The following SLC22A23 variants were observed in gnomAD, a reference collection of about 807,000 sequenced individuals.
SLC22A23 encodes the protein solute carrier family 22 member 23.
SLC22A23 carries 26 observed loss-of-function variants against 61.0 expected under a neutral mutation model. That is an observed-to-expected ratio of 0.43 (90% CI 0.31 to 0.59). The LOEUF (loss-of-function observed/expected upper bound fraction) is 0.59, where lower values mean the gene tolerates loss of function less well. Among genes scored for constraint, SLC22A23 ranks in the 20% least tolerant of loss-of-function variants. The pLI is 0.11. For synonymous variants in SLC22A23, 430 were observed against 413.9 expected (o/e 1.04, Z -0.47); for missense variants, 796 against 934.7 (o/e 0.85, Z 1.94).
intron 3 of SLC22A23, among the ~76,000 whole-genome samples, chr6:3,396,695 C>T (rs1768029349): frequency 6.6e-6 from 1 of 152,226 alleles, no homozygotes; most frequent in South Asian, 2.1e-4. Context: ...CGGCATGCAC[C>T]AGCAGGCTGG....
At chr6:3,429,159 A>G (rs953974119) in intron 1 of SLC22A23, among the ~76,000 whole-genome samples, 2 of 152,168 alleles carry the variant, frequency 1.3e-5, no homozygotes, top group South Asian at 4.1e-4. Context: ...GGGGTACAAC[A>G]GTCCTGTCAC....
rs1334898234 is a variant in SLC22A23 at position 3,387,570 on chromosome 6, AC to A, written c.913+22617del. On this transcript the variant is annotated intron_variant, in intron 3 of 9. Coordinates refer to ENST00000406686, the MANE Select transcript of SLC22A23 (RefSeq NM_015482.2). The surrounding 1 kb of genome is among the most constrained non-coding windows in gnomAD (Gnocchi z 5.0). ...GAAAGTCCGTCGTTTAGTTAGTCCC[AC>A]GACAACGTCCGTTTCTCAGCTCTGG... is the stretch of plus-strand genomic sequence containing the variant. Among the ~76,000 whole-genome samples, 1 of 152,240 alleles carries A rather than the reference AC, an allele frequency of 6.6e-6. No homozygotes were observed. The highest frequency in any genetic ancestry group is 2.4e-5 in the African/African-American group (1 of 41,466).
At chr6:3,311,632 G>A (rs917389484) in intron 4 of SLC22A23, 2 of 152,166 alleles carry the variant, frequency 1.3e-5, no homozygotes, top group African/African-American at 4.8e-5. Flanking sequence ...ATAAAGATTG[G>A]CTCTGAGGAT....
intron 1 of SLC22A23, among the ~76,000 whole-genome samples, chr6:3,434,052 C>A (rs953347667): frequency 6.6e-6 from 1 of 152,218 alleles, no homozygotes; most frequent in Admixed American, 6.5e-5. Flanking sequence ...CAGTGGCTCA[C>A]CCCTGTAATC....
intron 3 of SLC22A23, among the ~76,000 whole-genome samples, chr6:3,337,429 T>C (rs1462310378): frequency 6.6e-6 from 1 of 151,344 alleles, no homozygotes; most frequent in African/African-American, 2.4e-5. Context: ...AAGCTCTGTG[T>C]TAAGTGTTAC....
chr6:3,314,435 C>T (rs557298548), intron 4 of SLC22A23, among the ~76,000 whole-genome samples: 4 of 152,294 alleles, frequency 2.6e-5, no homozygotes, highest in East Asian at 3.9e-4. Flanking sequence ...TCAGCAACAC[C>T]GCATCTCTCT....
At chr6:3,421,740 T>C (rs1770147653) in intron 1 of SLC22A23, among the ~76,000 whole-genome samples, 1 of 152,046 alleles carries the variant, frequency 6.6e-6, no homozygotes, top group Non-Finnish European at 1.5e-5. Context: ...CCCACAGTGG[T>C]AGCGATGGTG....
chr6:3,337,781 G>C (rs780634876), intron 3 of SLC22A23, among the ~76,000 whole-genome samples: 1 of 152,220 alleles, frequency 6.6e-6, no homozygotes, highest in Non-Finnish European at 1.5e-5. Flanking sequence ...TCCAATTCGT[G>C]AAAGGAATGT....
intron 4 of SLC22A23, among the ~76,000 whole-genome samples, chr6:3,314,240 C>T (rs1762511745): frequency 6.6e-6 from 1 of 152,228 alleles, no homozygotes; most frequent in South Asian, 2.1e-4. Context: ...AAGTGTAGCT[C>T]TGCCAAGTAA....
chr6:3,435,796 ATTAAAG>A (rs953056596), intron 1 of SLC22A23, among the ~76,000 whole-genome samples: 50 of 152,192 alleles, frequency 3.3e-4, no homozygotes, highest in East Asian at 7.7e-4. Flanking sequence ...TACAGAGATG[ATTAAAG>A]TTAAAGTAAG....
chr6:3,449,703 C>T (rs1772077762), intron 1 of SLC22A23, among the ~76,000 whole-genome samples: 1 of 152,120 alleles, frequency 6.6e-6, no homozygotes, highest in Admixed American at 6.5e-5. Context: ...AACAGAACCA[C>T]ACATATTATT....
At chr6:3,298,938 G>A (rs1213615815) in intron 4 of SLC22A23, among the ~76,000 whole-genome samples, 1 of 144,696 alleles carries the variant, frequency 6.9e-6, no homozygotes, top group African/African-American at 2.7e-5. Flanking sequence ...CGCCACTGCA[G>A]TCCGCAGTCC....
intron 3 of SLC22A23, among the ~76,000 whole-genome samples, chr6:3,358,185 A>G (rs1003628112): frequency 6.6e-6 from 1 of 152,194 alleles, no homozygotes; most frequent in Non-Finnish European, 1.5e-5. Context: ...AACTAAAACT[A>G]GAACTGCCAT....
intron 3 of SLC22A23, among the ~76,000 whole-genome samples, chr6:3,375,855 T>G (rs560428641): frequency 2.6e-5 from 4 of 152,370 alleles, no homozygotes; most frequent in Non-Finnish European, 5.9e-5. Context: ...CTATTCTTAT[T>G]AAAATATTCC....
rs555954339 is a variant in SLC22A23, at chr6:3,360,953, G to A, written c.914-36951C>T. Among the ~76,000 whole-genome samples, 7 of 152,324 alleles carry A rather than the reference G, an allele frequency of 4.6e-5. No homozygotes were observed. The highest frequency in any genetic ancestry group is 9.6e-5 in the African/African-American group (4 of 41,570). On this transcript the variant is annotated intron_variant, in intron 3 of 9. Transcript: ENST00000406686. The surrounding 1 kb of genome is among the most constrained non-coding windows in gnomAD (Gnocchi z 4.6). ...TACTGGGGTGACGAGAGGCGCTAGC[G>A]AACATCAGCAGCTGCGGGGAGCTCG... is the stretch of plus-strand genomic sequence containing the variant.
intron 1 of SLC22A23, among the ~76,000 whole-genome samples, chr6:3,444,404 G>GC (rs1771773870): frequency 6.6e-6 from 1 of 152,202 alleles, no homozygotes; most frequent in African/African-American, 2.4e-5. Flanking sequence ...TTTTCAACTT[G>GC]CCCCTACGTT....
chr6:3,347,354 GAC>G lies in SLC22A23; in HGVS notation c.914-23354_914-23353del, dbSNP rs1210087789. Among the ~76,000 whole-genome samples, 2 of 152,186 alleles carry G rather than the reference GAC, an allele frequency of 1.3e-5. 1 individual carries two copies. The highest frequency in any genetic ancestry group is 2.9e-5 in the Non-Finnish European group (2 of 68,040). On this transcript the variant is annotated intron_variant, in intron 3 of 9. Transcript: ENST00000406686. ...GCACCCCTCAGGATGGTGAAGAGCT[GAC>G]ACAGAGAAGACTCTGGTGAGTGTTG...
chr6:3,415,617 C>T (rs1036492919), intron 2 of SLC22A23, 135 bp downstream of exon 2: 11 of 621,268 alleles, frequency 1.8e-5, no homozygotes, highest in African/African-American at 5.5e-5. Context: ...GCATTCTCCA[C>T]GTGGCAGCTT....
intron 3 of SLC22A23, among the ~76,000 whole-genome samples, chr6:3,400,029 C>T (rs1198034881): frequency 2.0e-5 from 3 of 152,152 alleles, no homozygotes; most frequent in Admixed American, 1.3e-4. Flanking sequence ...CAGGCATGCA[C>T]CACCATGCCT....
Sources: allele counts gnomAD v4.1 joint callset (sites outside exome capture counted in the v4.1 genomes callset), GRCh38; gene constraint gnomAD v4.1.1; non-coding constraint Gnocchi (gnomAD v3.1); transcripts MANE v1.5; gene names NCBI Gene and HGNC (gene_info 2026-07-23, HGNC 2026-07-21).